RPSA2: variants seen among roughly 807,000 people sequenced by gnomAD.
RPSA2 encodes ribosomal protein SA 2.
the RPSA2 span, among the ~76,000 whole-genome samples, chr19:23,774,440 T>G: frequency 2.0e-5 from 3 of 152,196 alleles, no homozygotes; most frequent in African/African-American, 4.8e-5. Flanking sequence ...CCATCATGAG[T>G]TCTGCTGGCA....
At chr19:23,763,422 C>G in the RPSA2 span, among the ~76,000 whole-genome samples, 24 of 152,334 alleles carry the variant, frequency 1.6e-4, no homozygotes, top group Admixed American at 1.6e-3. Context: ...AGAGCAGAAT[C>G]CCGACCCGGT....
chr19:23,854,624 T>C, the RPSA2 span, among the ~76,000 whole-genome samples: 1 of 152,228 alleles, frequency 6.6e-6, no homozygotes, highest in African/African-American at 2.4e-5. Flanking sequence ...TTTACCTTTA[T>C]GGCAATGTGG....
chr19:23,843,159 A>T, the RPSA2 span: 1 of 187,210 alleles, frequency 5.3e-6, no homozygotes, highest in South Asian at 1.0e-4. Context: ...AAATCATGTT[A>T]ACTTTTTTCT....
the RPSA2 span, among the ~76,000 whole-genome samples, chr19:23,855,852 T>C: frequency 1.3e-5 from 2 of 152,134 alleles, no homozygotes; most frequent in South Asian, 4.2e-4. Flanking sequence ...AGGTGAATTG[T>C]AGTTTGGTCC....
the RPSA2 span, among the ~76,000 whole-genome samples, chr19:23,851,395 C>A: frequency 6.6e-6 from 1 of 152,038 alleles, no homozygotes; most frequent in Non-Finnish European, 1.5e-5. Flanking sequence ...GCAAAAGAGA[C>A]CAAAAGTCTA....
the RPSA2 span, among the ~76,000 whole-genome samples, chr19:23,835,748 C>T: frequency 6.6e-6 from 1 of 151,960 alleles, no homozygotes; most frequent in South Asian, 2.1e-4. Flanking sequence ...GCAGTTCTGC[C>T]TCAGCCTCCC....
the RPSA2 span, among the ~76,000 whole-genome samples, chr19:23,791,213 GGC>G: frequency 6.6e-6 from 1 of 152,074 alleles, no homozygotes; most frequent in East Asian, 1.9e-4. Context: ...CTGTGGAAGG[GGC>G]TTCTCGAACT....
chr19:23,828,797 C>T, the RPSA2 span, among the ~76,000 whole-genome samples: 1 of 151,264 alleles, frequency 6.6e-6, no homozygotes, highest in East Asian at 1.9e-4. Context: ...GTAGTCTGTT[C>T]TTTTATTAAC....
the RPSA2 span, among the ~76,000 whole-genome samples, chr19:23,799,932 G>T: frequency 1.3e-5 from 2 of 152,000 alleles, no homozygotes; most frequent in South Asian, 4.1e-4. Flanking sequence ...ACTATTTATG[G>T]TAACCATCTT....
chr19:23,787,634 A>G, the RPSA2 span, among the ~76,000 whole-genome samples: 12 of 152,142 alleles, frequency 7.9e-5, no homozygotes, highest in African/African-American at 2.9e-4. Context: ...AACAAAAAAA[A>G]GAATGAATGA....
chr19:23,862,056 G>A, the RPSA2 span, among the ~76,000 whole-genome samples: 1 of 151,976 alleles, frequency 6.6e-6, no homozygotes, highest in East Asian at 1.9e-4. Context: ...ATTTCATTGA[G>A]CAGTGGTTTG....
At chr19:23,819,495 T>A in the RPSA2 span, 1 of 152,198 alleles carries the variant, frequency 6.6e-6, no homozygotes, top group Admixed American at 6.5e-5. Context: ...CCATCCCATA[T>A]GGGTCCCAGT....
the RPSA2 span, chr19:23,758,676 G>A: frequency 1.2e-6 from 2 of 1,612,168 alleles, no homozygotes; most frequent in Non-Finnish European, 1.7e-6. Context: ...TTGTGGAGCT[G>A]ACTGCGGCGA....
At chr19:23,767,445 A>G in the RPSA2 span, among the ~76,000 whole-genome samples, 1 of 152,140 alleles carries the variant, frequency 6.6e-6, no homozygotes, top group Admixed American at 6.5e-5. Flanking sequence ...CGCATTGATG[A>G]GAAAAGGCAG....
chr19:23,861,313 A>G, the RPSA2 span, among the ~76,000 whole-genome samples: 1 of 152,196 alleles, frequency 6.6e-6, no homozygotes, highest in African/African-American at 2.4e-5. Context: ...AGTAGGTTTC[A>G]TATGAGTCCT....
At chr19:23,825,970 A>G in the RPSA2 span, among the ~76,000 whole-genome samples, 1 of 151,732 alleles carries the variant, frequency 6.6e-6, no homozygotes, top group Admixed American at 6.6e-5. Context: ...TTTGGATTTG[A>G]ATATAATTTA....
At chr19:23,841,805 A>G in the RPSA2 span, among the ~76,000 whole-genome samples, 47 of 152,344 alleles carry the variant, frequency 3.1e-4, no homozygotes, top group African/African-American at 1.1e-3. Flanking sequence ...ATGAGCTTAT[A>G]CAACCAGGTT....
the RPSA2 span, chr19:23,758,919 C>T: frequency 5.0e-6 from 4 of 801,450 alleles, no homozygotes; most frequent in Middle Eastern, 2.8e-4. Context: ...CGGAAGCCGC[C>T]CTGTCTGCTC....
the RPSA2 span, chr19:23,758,680 G>T: frequency 6.2e-7 from 1 of 1,613,008 alleles, no homozygotes; most frequent in South Asian, 1.1e-5. Context: ...GGAGCTGACT[G>T]CGGCGAGGTC....
Sources: allele counts gnomAD v4.1 joint callset (sites outside exome capture counted in the v4.1 genomes callset), GRCh38; gene constraint gnomAD v4.1.1; transcripts MANE v1.5; gene names NCBI Gene and HGNC (gene_info 2026-07-23, HGNC 2026-07-21).